The following KDM4B variants were observed in gnomAD, a reference collection of about 807,000 sequenced individuals.
The protein encoded by KDM4B is lysine-specific demethylase 4B.
A neutral mutation model predicts 125.2 loss-of-function variants in KDM4B; 32 were observed. That is an observed-to-expected ratio of 0.26 (90% confidence interval 0.19 to 0.34). The LOEUF (loss-of-function observed/expected upper bound fraction) is 0.34, where lower values mean the gene tolerates loss of function less well. KDM4B is among the 10% of genes least tolerant of loss of function. The pLI, the probability that KDM4B is intolerant of heterozygous loss-of-function variation, is 1.00. For missense variants in KDM4B, 1,190 were observed against 1,577.7 expected, an observed-to-expected ratio of 0.75 and a Z score of 4.16; for synonymous variants, 721 against 677.9, an observed-to-expected ratio of 1.06 and a Z score of -0.99.
At position 5,090,356 on chromosome 19, in the gene KDM4B, C is replaced by T. The variant is rs1315685393; in HGVS notation, c.918+7852C>T. On this transcript the variant is annotated intron_variant, in intron 9 of 22. Transcript: ENST00000159111. ...GTCTCAGTGGTAACGTTCTCTCTCTCTCTCTCCTCATCTCTCTCTCCCCCC... is the reference window on the plus strand; with the variant it reads ...GTCTCAGTGGTAACGTTCTCTCTCTTTCTCTCCTCATCTCTCTCTCCCCCC... 6.2e-5 allele frequency among the ~76,000 whole-genome samples: 9 copies of T among 145,682 alleles called. 1 individual carries two copies. Among genetic ancestry groups the T allele is most frequent in the African/African-American group, 2.1e-4 (8 of 38,200 alleles).
At chr19:5,000,611 G>A (rs1376802855) in intron 1 of KDM4B, among the ~76,000 whole-genome samples, 2 of 152,150 alleles carry the variant, frequency 1.3e-5, no homozygotes, top group South Asian at 4.1e-4. Flanking sequence ...CAGAGTAGGA[G>A]CCAATATTTC....
Position 5,142,383 on chromosome 19 carries a change from C to T in KDM4B, c.2551-1584C>T, listed in dbSNP as rs1283172694. Among the ~76,000 whole-genome samples, 1 of 152,208 alleles carries T rather than the reference C, an allele frequency of 6.6e-6. No individual in the cohort carries two copies. The highest frequency in any genetic ancestry group is 2.4e-5 in the African/African-American group (1 of 41,468). On this transcript the variant is annotated intron_variant, in intron 18 of 22. Coordinates refer to ENST00000159111, the MANE Select transcript of KDM4B (RefSeq NM_015015.3). This position sits in a 1 kb window ranked among gnomAD's most constrained non-coding sequence, Gnocchi z 5.4. ...AGCGCGTGGCGTGACTGGACCTCGC[C>T]TTAGTAGGGGTGGCTCTGGGCAACC... is the stretch of plus-strand genomic sequence containing the variant.
intron 9 of KDM4B, among the ~76,000 whole-genome samples, chr19:5,084,547 ATAAT>A (rs1015955119): frequency 2.2e-4 from 30 of 134,948 alleles, no homozygotes; most frequent in Non-Finnish European, 4.5e-4. Context: ...TATATTATAT[ATAAT>A]ATATAAATTA....
intron 2 of KDM4B, among the ~76,000 whole-genome samples, chr19:5,027,134 G>T (rs1247936627): frequency 3.9e-5 from 6 of 152,258 alleles, no homozygotes; most frequent in Non-Finnish European, 8.8e-5. Context: ...ACTATGAGCA[G>T]CGGCAGGTGC....
At chr19:5,074,094 T>C (rs1395269760) in intron 7 of KDM4B, 2 of 152,838 alleles carry the variant, frequency 1.3e-5, no homozygotes, top group Non-Finnish European at 2.9e-5. Flanking sequence ...GGTGACAGAG[T>C]GAGACCCTAG....
intron 1 of KDM4B, among the ~76,000 whole-genome samples, 153 bp from the exon 2 acceptor site, chr19:5,016,104 A>G (rs187945478): frequency 9.9e-5 from 15 of 152,280 alleles, no homozygotes; most frequent in African/African-American, 3.6e-4. Flanking sequence ...ATAGTTACGG[A>G]TTTTTGTCTT....
At chr19:5,096,155 G>A (rs1407677498) in intron 9 of KDM4B, among the ~76,000 whole-genome samples, 1 of 148,880 alleles carries the variant, frequency 6.7e-6, no homozygotes, top group Non-Finnish European at 1.5e-5. Context: ...GTGTGATCTC[G>A]GCTCACTGCA....
At chr19:5,031,396 T>C (rs1170419682) in intron 2 of KDM4B, among the ~76,000 whole-genome samples, 2 of 152,246 alleles carry the variant, frequency 1.3e-5, no homozygotes, top group African/African-American at 4.8e-5. Flanking sequence ...CGTGGTCACG[T>C]GCCGTGCACG....
intron 3 of KDM4B, among the ~76,000 whole-genome samples, chr19:5,033,813 C>T (rs2036533877): frequency 6.6e-6 from 1 of 152,158 alleles, no homozygotes; most frequent in Non-Finnish European, 1.5e-5. Flanking sequence ...GACCCCCGAA[C>T]CCCACATGCT....
intron 9 of KDM4B, among the ~76,000 whole-genome samples, chr19:5,085,220 G>C (rs570918867): frequency 1.3e-5 from 2 of 152,164 alleles, no homozygotes; most frequent in Admixed American, 6.5e-5. Flanking sequence ...AGAAAGTCTC[G>C]AATGTCTCTA....
chr19:4,985,281 G>A (rs938077705), intron 1 of KDM4B, among the ~76,000 whole-genome samples: 3 of 152,086 alleles, frequency 2.0e-5, no homozygotes, highest in African/African-American at 4.8e-5. Flanking sequence ...CCGAGATCGC[G>A]CCATTGCGCT....
At chr19:5,102,083 G>C (rs2038947334) in intron 9 of KDM4B, among the ~76,000 whole-genome samples, 1 of 152,172 alleles carries the variant, frequency 6.6e-6, no homozygotes, top group Admixed American at 6.5e-5. Context: ...CTTGTTTCCA[G>C]GGGACCCTGG....
chr19:5,119,199 G>A (rs761478916), intron 10 of KDM4B: 1 of 1,534,604 alleles, frequency 6.5e-7, no homozygotes, highest in South Asian at 1.2e-5. Flanking sequence ...AGAAAGAGCA[G>A]ACCAAAAGGC....
chr19:5,058,404 TG>T (rs1231776803), intron 6 of KDM4B, among the ~76,000 whole-genome samples: 1 of 151,952 alleles, frequency 6.6e-6, no homozygotes, highest in East Asian at 1.9e-4. Flanking sequence ...TGGGGGGCTC[TG>T]AGGACTGAGG....
Position 5,137,168 on chromosome 19 carries a change from C to T in KDM4B, c.2309-94C>T, listed in dbSNP as rs574629330. On this transcript the variant is annotated intron_variant, in intron 15 of 22. Coordinates refer to ENST00000159111, the MANE Select transcript of KDM4B (RefSeq NM_015015.3). Reference sequence around the variant, plus strand: ...TCGTCACTCCACATACGGACACTGGCCCCCAAGTTACCCGGCCCCTCCCCC... The same window carrying T: ...TCGTCACTCCACATACGGACACTGGTCCCCAAGTTACCCGGCCCCTCCCCC... 7 of 815,676 alleles carry T rather than the reference C, an allele frequency of 8.6e-6. No individual in the cohort carries two copies. In the East Asian group the frequency reaches 1.3e-4, roughly 16 times the overall value. 50.5% of individuals were successfully genotyped at this position (815,676 alleles called of 1,614,324 possible). A position where few individuals can be genotyped will look rare whatever the true frequency, so the allele number is the denominator to read the frequency against.
At chr19:5,057,053 TGTGTGTGTGTGTGCGCGCGCGCGC>T (rs2037427714) in intron 6 of KDM4B, among the ~76,000 whole-genome samples, 2 of 143,454 alleles carry the variant, frequency 1.4e-5, no homozygotes. Context: ...TGTGTGTGTG[TGTGTGTGTGTGTGCGCGCGCGCGC>T]GTATGTTAGC....
Position 5,047,556 on chromosome 19 carries a change from C to T in KDM4B, c.513C>T (p.Gly171=), listed in dbSNP as rs371609441. 18 of 1,613,796 alleles carry T rather than the reference C, an allele frequency of 1.1e-5. No homozygotes were observed. The highest frequency in any genetic ancestry group is 2.7e-5 in the African/African-American group (2 of 74,914). The change falls in exon 6 of 23, where the codon GGC becomes GGT. Residue 171 remains glycine (G), a synonymous_variant. Coordinates refer to ENST00000159111, the MANE Select transcript of KDM4B (RefSeq NM_015015.3). ...VERECGTIIE[G]VNTPYLYFGM... ...GCGAGTGCGGCACCATCATCGAGGG[C>T]GTGAACACGCCCTACCTGTACTTCG...
In KDM4B at chr19:5,005,606, A is replaced by G. The variant is rs550330267; in HGVS notation, c.-108-10651A>G. On this transcript the variant is annotated intron_variant, in intron 1 of 22. Coordinates refer to ENST00000159111, the MANE Select transcript of KDM4B (RefSeq NM_015015.3). ...TGGGGGTTCACCTTCCTTTATTTGCATGTGGATATCAAGCAGTTGTCCCAG... is the reference window on the plus strand; with the variant it reads ...TGGGGGTTCACCTTCCTTTATTTGCGTGTGGATATCAAGCAGTTGTCCCAG... 1.2e-4 allele frequency among the ~76,000 whole-genome samples: 19 copies of G among 152,144 alleles called. No homozygotes were observed. In the East Asian group the frequency reaches 3.1e-3, roughly 25 times the overall value.
intron 8 of KDM4B, among the ~76,000 whole-genome samples, chr19:5,079,584 C>T (rs544342669): frequency 6.6e-6 from 1 of 152,194 alleles, no homozygotes; most frequent in Non-Finnish European, 1.5e-5. Context: ...AGTCTGATGT[C>T]TGCCTGACGC....
Sources: gnomAD v4.1 joint callset for allele counts (sites outside exome capture counted in the v4.1 genomes callset) on GRCh38, gnomAD v4.1.1 for gene constraint, Gnocchi (gnomAD v3.1) non-coding constraint, MANE v1.5 for transcripts, NCBI Gene and HGNC (gene_info 2026-07-23, HGNC 2026-07-21) for gene names.